The following IBTK variants were observed in gnomAD, a reference collection of about 807,000 sequenced individuals.
IBTK encodes the protein BTK-binding protein.
IBTK carries 83 observed loss-of-function variants against 154.9 expected under a neutral mutation model. That is an observed-to-expected ratio of 0.54 (90% confidence interval 0.45 to 0.64). IBTK has a LOEUF of 0.64. IBTK is among the 30% of genes least tolerant of loss of function. The probability of loss-of-function intolerance (pLI) is 0.00; values close to 1 mark genes in which losing one functional copy is unlikely to be tolerated. For synonymous variants in IBTK, 515 were observed against 536.1 expected, an observed-to-expected ratio of 0.96 and a Z score of 0.54; for missense variants, 1,332 against 1,584.6, an observed-to-expected ratio of 0.84 and a Z score of 2.71.
chr6:82,189,422 T>C (rs777680442), intron 25 of IBTK, among the ~76,000 whole-genome samples: 2 of 152,112 alleles, frequency 1.3e-5, no homozygotes, highest in African/African-American at 2.4e-5. Context: ...TCAAGAAGAA[T>C]GAAGGCTAGA....
intron 25 of IBTK, 56 bp from the exon 26 acceptor site, chr6:82,182,084 T>A: frequency 6.5e-7 from 1 of 1,529,088 alleles, no homozygotes. Flanking sequence ...AGGGCATTGC[T>A]GGAAGTTATA....
At chr6:82,187,651 A>G (rs1244260993) in intron 25 of IBTK, among the ~76,000 whole-genome samples, 2 of 152,176 alleles carry the variant, frequency 1.3e-5, no homozygotes, top group Non-Finnish European at 2.9e-5. Context: ...GGTGGGTGAC[A>G]GTAAAGAGGG....
intron 13 of IBTK, among the ~76,000 whole-genome samples, chr6:82,211,865 T>A (rs1236440631): frequency 9.2e-5 from 14 of 152,186 alleles, no homozygotes; most frequent in Non-Finnish European, 1.3e-4. Flanking sequence ...CTAAGTGATA[T>A]CATATTTAAG....
chr6:82,202,104 C>T (rs555665050), intron 18 of IBTK, among the ~76,000 whole-genome samples: 1 of 152,174 alleles, frequency 6.6e-6, no homozygotes, highest in East Asian at 1.9e-4. Flanking sequence ...CTAAATGAAT[C>T]TATGTAATGC....
At chr6:82,213,230 T>C (rs1052332993) in intron 12 of IBTK, among the ~76,000 whole-genome samples, 41 of 152,246 alleles carry the variant, frequency 2.7e-4, no homozygotes, top group Admixed American at 1.7e-3. Flanking sequence ...GGTTTCGCCA[T>C]GTTGGCCAGC....
chr6:82,173,641 G>T, intron 26 of IBTK: 1 of 307,092 alleles, frequency 3.3e-6, no homozygotes, highest in Non-Finnish European at 5.7e-6. Flanking sequence ...CATAGAGAAA[G>T]ATACTGCAAG....
intron 17 of IBTK, among the ~76,000 whole-genome samples, chr6:82,203,972 A>T (rs987720419): frequency 3.9e-5 from 6 of 152,188 alleles, no homozygotes; most frequent in Non-Finnish European, 7.4e-5. Context: ...ATGGACAGGA[A>T]TTCCCTTCAC....
chr6:82,212,933 T>A (rs1769706471), intron 12 of IBTK, 140 bp from the exon 13 acceptor site: 2 of 588,116 alleles, frequency 3.4e-6, no homozygotes, highest in Non-Finnish European at 3.0e-6. Flanking sequence ...TACTCTGAGA[T>A]AAAGAAATAT....
In IBTK at chr6:82,214,747, T is replaced by C. The variant is rs560710731; in HGVS notation, c.1684A>G (p.Ser562Gly). ...ACTTGAAATGTCACATCATGAATGC[T>C]GTCCATTTCATCTGCTTCCCTCAAC... is the stretch of plus-strand genomic sequence containing the variant. Reference protein sequence around the residue: ...KLLREADEMDSIHDVTFQVGN... With the variant: ...KLLREADEMDGIHDVTFQVGN... The change falls in exon 12 of 29, where the codon AGC (serine) becomes GGC (glycine). Residue 562 changes from serine to glycine, a missense_variant. By Grantham distance (56) the Ser-to-Gly change is moderately conservative. This residue lies in a region of IBTK where 1,134 missense variants were observed against 1,274.7 expected (regional missense o/e 0.89). Coordinates refer to ENST00000306270, the MANE Select transcript of IBTK (RefSeq NM_015525.4). The C allele has an allele frequency of 6.2e-6, 10 of 1,613,950 alleles. No homozygotes were observed. Among genetic ancestry groups the C allele is most frequent in the Non-Finnish European group, 8.5e-6 (10 of 1,179,964 alleles).
chr6:82,225,505 G>C lies in IBTK; in HGVS notation c.797C>G (p.Pro266Arg). The C allele has an allele frequency of 6.2e-7, 1 of 1,612,444 alleles. No individual in the cohort carries two copies. The highest frequency in any genetic ancestry group is 1.1e-5 in the South Asian group (1 of 90,770). ...TCTGGGTACATTACAACTGGAAGGC[G>C]GTGGAATAATTCCTAATTGATGAAA... is the stretch of plus-strand genomic sequence containing the variant. ...NIFHQLGIIP[P>R]PSSCNVPRQI... Residue 266 changes from proline (P) to arginine (R), a missense_variant, in exon 6 of 29, where the codon CCG (proline) becomes CGG (arginine). By Grantham distance (103) the Pro-to-Arg change is moderately radical. Around this residue, in one of 3 missense-constraint regions of IBTK, gnomAD observed 1,134 missense variants for 1,274.7 expected, o/e 0.89. Coordinates refer to ENST00000306270, the MANE Select transcript of IBTK (RefSeq NM_015525.4).
chr6:82,245,646 A>G (rs1421391665), intron 1 of IBTK, among the ~76,000 whole-genome samples: 1 of 152,220 alleles, frequency 6.6e-6, no homozygotes, highest in African/African-American at 2.4e-5. Context: ...TAAAAGAACT[A>G]GAATCATCTT....
intron 6 of IBTK, among the ~76,000 whole-genome samples, chr6:82,225,212 A>T (rs1419520748): frequency 6.6e-6 from 1 of 151,946 alleles, no homozygotes; most frequent in Non-Finnish European, 1.5e-5. Flanking sequence ...CAGAAGGCTG[A>T]GGCAAGACAA....
intron 1 of IBTK, among the ~76,000 whole-genome samples, chr6:82,244,521 C>T (rs1192483286): frequency 1.3e-5 from 2 of 152,182 alleles, no homozygotes; most frequent in Admixed American, 6.5e-5. Context: ...CTTCCCCTGT[C>T]CTTCAAACTG....
chr6:82,213,792 G>A (rs942004456), intron 12 of IBTK, among the ~76,000 whole-genome samples: 1 of 151,902 alleles, frequency 6.6e-6, no homozygotes, highest in Non-Finnish European at 1.5e-5. Context: ...AGCTCTGCCC[G>A]CAAATGGAGG....
intron 2 of IBTK, among the ~76,000 whole-genome samples, chr6:82,239,201 G>A (rs1459977969): frequency 1.3e-5 from 2 of 151,934 alleles, no homozygotes; most frequent in African/African-American, 4.8e-5. Flanking sequence ...CAGCACTTTG[G>A]GAGGCCGAGG....
At chr6:82,200,362 C>A in intron 20 of IBTK, 109 bp from the exon 21 acceptor site, 1 of 836,160 alleles carries the variant, frequency 1.2e-6, no homozygotes, top group Non-Finnish European at 1.9e-6. Context: ...AAAATATTTA[C>A]ACTTTCAATG....
At chr6:82,239,698 T>G (rs916829131) in intron 2 of IBTK, among the ~76,000 whole-genome samples, 2 of 148,812 alleles carry the variant, frequency 1.3e-5, no homozygotes, top group African/African-American at 5.0e-5. Flanking sequence ...TAAATATATT[T>G]TCTTTGTCTT....
chr6:82,187,966 C>A (rs527911034), intron 25 of IBTK, among the ~76,000 whole-genome samples: 1 of 152,226 alleles, frequency 6.6e-6, no homozygotes, highest in Admixed American at 6.5e-5. Context: ...CCTCCCTACA[C>A]TGAGATACGC....
chr6:82,191,646 A>G, intron 24 of IBTK, 141 bp downstream of exon 24: 1 of 710,504 alleles, frequency 1.4e-6, no homozygotes, highest in Non-Finnish European at 2.6e-6. Context: ...AATATTATGG[A>G]GGCTAAATTG....
Sources: gnomAD v4.1 joint callset for allele counts (sites outside exome capture counted in the v4.1 genomes callset) on GRCh38, gnomAD v4.1.1 for gene constraint, gnomAD v4.1.1 regional missense constraint, MANE v1.5 for transcripts, NCBI Gene and HGNC (gene_info 2026-07-23, HGNC 2026-07-21) for gene names.